Variants in C5 observed in about 807,000 individuals in gnomAD.
C5 encodes the protein C3 and PZP-like alpha-2-macroglobulin domain-containing protein 4.
A neutral mutation model predicts 218.8 loss-of-function variants in C5; 140 were observed. The ratio of observed to expected loss-of-function variants is 0.64; its 90% confidence interval spans 0.56 to 0.74. The LOEUF (loss-of-function observed/expected upper bound fraction) is 0.74, where lower values mean the gene tolerates loss of function less well. C5 is among the 30% of genes least tolerant of loss of function. C5 has a pLI of 0.00. For missense variants in C5, 1,700 were observed against 1,969.6 expected (o/e 0.86, Z 2.59); for synonymous variants, 614 against 682.3 (o/e 0.90, Z 1.56).
intron 1 of C5, among the ~76,000 whole-genome samples, chr9:121,047,784 T>C (rs2047640379): frequency 6.6e-6 from 1 of 152,208 alleles, no homozygotes; most frequent in Non-Finnish European, 1.5e-5. Flanking sequence ...AATTTCCAGA[T>C]TTCCAACCAT....
intron 12 of C5, 61 bp from the exon 13 acceptor site, chr9:121,017,913 T>C: frequency 2.0e-6 from 2 of 1,021,410 alleles, no homozygotes; most frequent in Non-Finnish European, 3.1e-6. Flanking sequence ...ACAAAACCTG[T>C]GCTTTAGGAT....
chr9:121,066,862 G>GAAAAAAA, the C5 span, among the ~76,000 whole-genome samples: 2 of 134,988 alleles, frequency 1.5e-5, no homozygotes, highest in Admixed American at 7.4e-5. Flanking sequence ...CTCAAAAAAA[G>GAAAAAAA]AAAAAAAAAA....
At position 121,025,448 on chromosome 9, in the gene C5, A is replaced by ACACACACT. The variant is rs778347866; in HGVS notation, c.1000+5_1000+6insAGTGTGTG. ...CACACACACACACACACACACACAC[A>ACACACACT]CTTACCTGTAGACTCTATGACTGTT... On this transcript the variant is annotated splice_donor_region_variant and intron_variant, in intron 9 of 40. Coordinates refer to ENST00000223642, the MANE Select transcript of C5 (RefSeq NM_001735.3). 8.7e-6 allele frequency: 14 copies of ACACACACT among 1,607,790 alleles called. No homozygotes were observed. Among genetic ancestry groups the ACACACACT allele is most frequent in the East Asian group, 2.2e-5 (1 of 44,740 alleles).
intron 8 of C5, 138 bp from the exon 9 acceptor site, chr9:121,025,718 A>G: frequency 1.3e-6 from 1 of 758,758 alleles, no homozygotes; most frequent in Non-Finnish European, 2.2e-6. Context: ...AAAGTAGATA[A>G]CCGAGTCCAC....
intron 39 of C5, chr9:120,957,035 GA>G (rs1401665562): frequency 2.5e-6 from 1 of 398,136 alleles, no homozygotes; most frequent in Non-Finnish European, 4.8e-6. Context: ...AAGTTGTAAA[GA>G]AAAAGAAATT....
At chr9:120,971,464 G>A (rs557789132) in intron 31 of C5, among the ~76,000 whole-genome samples, 2 of 152,064 alleles carry the variant, frequency 1.3e-5, no homozygotes, top group Non-Finnish European at 2.9e-5. Context: ...GTGTGAGACG[G>A]AGTCTTGCTC....
intron 37 of C5, 39 bp from the exon 38 acceptor site, chr9:120,960,376 A>T: frequency 2.2e-6 from 3 of 1,345,976 alleles, no homozygotes; most frequent in Non-Finnish European, 3.2e-6. Context: ...AGGTTAATGG[A>T]AAGAAGTAGA....
At chr9:121,004,248 A>C (rs79516694) in intron 20 of C5, among the ~76,000 whole-genome samples, 12,491 of 152,126 alleles carry the variant, frequency 0.082, 551 homozygotes, top group Non-Finnish European at 0.095. Context: ...TAGTATACTA[A>C]TAATAATATT....
chr9:121,046,334 T>C lies in C5; in HGVS notation c.115A>G (p.Ile39Val). The C allele has an allele frequency of 6.2e-7, 1 of 1,612,658 alleles. No homozygotes were observed. Among genetic ancestry groups the C allele is most frequent in the East Asian group, 2.2e-5 (1 of 44,720 alleles). Residue 39 changes from isoleucine (I) to valine (V), a missense_variant, in exon 2 of 41, where the codon ATT (isoleucine) becomes GTT (valine). Physicochemically the swap from Ile to Val is conservative, Grantham distance 29. Coordinates refer to ENST00000223642, the MANE Select transcript of C5 (RefSeq NM_001735.3). ...KIFRVGASEN[I>V]VIQVYGYTEA... is the part of the protein sequence containing the mutation. ...GTGTATCCATAAACTTGAATCACAATATTTTCAGATGCTCCAACACGGAAT... is the reference window on the plus strand; with the variant it reads ...GTGTATCCATAAACTTGAATCACAACATTTTCAGATGCTCCAACACGGAAT...
intron 40 of C5, 73 bp downstream of exon 40, chr9:120,953,657 G>C (rs1011827080): frequency 4.2e-6 from 6 of 1,413,554 alleles, no homozygotes; most frequent in Non-Finnish European, 6.0e-6. Flanking sequence ...TAAGAAACAC[G>C]TAGTGTATTT....
chr9:121,055,910 GGAAA>G, the C5 span, among the ~76,000 whole-genome samples: 1 of 152,304 alleles, frequency 6.6e-6, no homozygotes, highest in East Asian at 1.9e-4. Flanking sequence ...TTCTGATTTG[GGAAA>G]GAGAGGGAAG....
the C5 span, among the ~76,000 whole-genome samples, chr9:121,069,827 C>CA: frequency 6.6e-6 from 1 of 152,254 alleles, no homozygotes; most frequent in African/African-American, 2.4e-5. Flanking sequence ...AAAAGGGACT[C>CA]ATACACTGTT....
chr9:121,014,728 C>T lies in C5; in HGVS notation c.2059+471G>A, dbSNP rs148426111. On this transcript the variant is annotated intron_variant, in intron 16 of 40. Coordinates refer to ENST00000223642, the MANE Select transcript of C5 (RefSeq NM_001735.3). ...TGATATTCTTTCTACAGTAACATGA[C>T]GAATTATCATAACCATTTAAATAAT... Among the ~76,000 whole-genome samples, 425 of 152,156 alleles carry T rather than the reference C, an allele frequency of 2.8e-3. 2 individuals carry two copies. Among genetic ancestry groups the T allele is most frequent in the African/African-American group, 8.0e-3 (334 of 41,542 alleles).
chr9:121,065,939 G>C, the C5 span, among the ~76,000 whole-genome samples: 11,974 of 152,132 alleles, frequency 0.079, 531 homozygotes, highest in Non-Finnish European at 0.11. Context: ...ACAGGAATAA[G>C]TACAAATGCA....
intron 15 of C5, 64 bp from the exon 16 acceptor site, chr9:121,015,325 T>A (rs1283160021): frequency 6.3e-6 from 7 of 1,102,658 alleles, no homozygotes; most frequent in Non-Finnish European, 9.5e-6. Flanking sequence ...CAAAAAAAAA[T>A]TCCATGAAAC....
At chr9:121,045,075 G>A (rs981030028) in intron 2 of C5, among the ~76,000 whole-genome samples, 3 of 150,936 alleles carry the variant, frequency 2.0e-5, no homozygotes, top group Non-Finnish European at 2.9e-5. Flanking sequence ...TCAGTCTCCC[G>A]AGTAGCTGGG....
At chr9:120,969,208 G>T in intron 32 of C5, 90 bp from the exon 33 acceptor site, 1 of 1,018,928 alleles carries the variant, frequency 9.8e-7, no homozygotes, top group South Asian at 1.3e-5. Context: ...AATCATTAAT[G>T]AGCAAATCTT....
rs180798351 is a variant in C5 at position 121,003,875 on chromosome 9, A to C, written c.2562+2044T>G. On this transcript the variant is annotated intron_variant, in intron 20 of 40. Transcript: ENST00000223642. ...AATTTCATTTATCTAATGAGAAGATAATTTTTTTTTTGAGACGGAGTGTCG... is the reference window on the plus strand; with the variant it reads ...AATTTCATTTATCTAATGAGAAGATCATTTTTTTTTTGAGACGGAGTGTCG... 1.0e-3 allele frequency among the ~76,000 whole-genome samples: 156 copies of C among 152,178 alleles called. 1 individual carries two copies. Among genetic ancestry groups the C allele is most frequent in the Non-Finnish European group, 1.9e-3 (131 of 67,968 alleles).
At chr9:120,999,976 T>G in intron 20 of C5, 1 of 442,278 alleles carries the variant, frequency 2.3e-6, no homozygotes, top group Non-Finnish European at 4.5e-6. Flanking sequence ...GGAGAATCGC[T>G]TGAACCTGGC....
Sources: gnomAD v4.1 joint callset for allele counts (sites outside exome capture counted in the v4.1 genomes callset) on GRCh38, gnomAD v4.1.1 for gene constraint, MANE v1.5 for transcripts, NCBI Gene and HGNC (gene_info 2026-07-23, HGNC 2026-07-21) for gene names.